CREBBP: variants seen among roughly 807,000 people sequenced by gnomAD.
CREBBP encodes CREB binding lysine acetyltransferase, also known as CREB-binding protein.
CREBBP carries 19 observed loss-of-function variants against 265.0 expected under a neutral mutation model. The observed-to-expected ratio is 0.07, with a 90% CI of 0.05 to 0.11. The LOEUF (loss-of-function observed/expected upper bound fraction) is 0.11, where lower values mean the gene tolerates loss of function less well. Ranked by LOEUF, CREBBP falls within the 10% of genes least tolerant of loss-of-function variation. The pLI, the probability that CREBBP is intolerant of heterozygous loss-of-function variation, is 1.00. For missense variants in CREBBP, 2,525 were observed against 3,219.0 expected, an observed-to-expected ratio of 0.78 and a Z score of 5.22; for synonymous variants, 1,457 against 1,223.7, an observed-to-expected ratio of 1.19 and a Z score of -3.98.
At chr16:3,778,282 A>G in intron 9 of CREBBP, 100 bp from the exon 10 acceptor site, 1 of 980,172 alleles carries the variant, frequency 1.0e-6, no homozygotes, top group Non-Finnish European at 1.6e-6. Context: ...CTCATTGAGT[A>G]CACTGGCAAA....
chr16:3,799,361 A>C (rs1048977143), intron 3 of CREBBP, among the ~76,000 whole-genome samples: 2 of 152,230 alleles, frequency 1.3e-5, no homozygotes, highest in Non-Finnish European at 2.9e-5. Context: ...CTAATCACTA[A>C]AGGAATAGAA....
At position 3,770,947 on chromosome 16, in the gene CREBBP, T is replaced by C. The variant is rs767051018; in HGVS notation, c.2503A>G (p.Met835Val). ...AGCTGGCTGGCCTGAGGCCCCAGCA[T>C]GTTGAGAGGGTTAGGAAGAGCAGCA... ...PGAALPNPLN[M>V]LGPQASQLPC... The change falls in exon 14 of 31, where the codon ATG (methionine) becomes GTG (valine). Residue 835 changes from methionine (M) to valine (V), a missense_variant. By Grantham distance (21) the Met-to-Val change is conservative. Transcript: ENST00000262367. 14 of 1,613,622 alleles carry C rather than the reference T, an allele frequency of 8.7e-6. No individual in the cohort carries two copies. Among genetic ancestry groups the C allele is most frequent in the African/African-American group, 1.3e-5 (1 of 74,986 alleles).
intron 23 of CREBBP, chr16:3,742,103 A>G (rs969117216): frequency 6.6e-6 from 1 of 152,156 alleles, no homozygotes; most frequent in Non-Finnish European, 1.5e-5. Flanking sequence ...AAAACAAAAA[A>G]AAAACAAAAA....
At position 3,852,715 on chromosome 16, in the gene CREBBP, G is replaced by C. The variant is rs571330973; in HGVS notation, c.86-1706C>G. On this transcript the variant is annotated intron_variant, in intron 1 of 30. Coordinates refer to ENST00000262367, the MANE Select transcript of CREBBP (RefSeq NM_004380.3). ...ATAAATGGACAAAAGACATAAGCAGGTCTTCACCCCAAAGGGAAATAAAAC... is the reference window on the plus strand; with the variant it reads ...ATAAATGGACAAAAGACATAAGCAGCTCTTCACCCCAAAGGGAAATAAAAC... Among the ~76,000 whole-genome samples the C allele has an allele frequency of 3.9e-5, 6 of 152,208 alleles. No individual in the cohort carries two copies. The South Asian group carries it at 1.2e-3, about 32-fold the overall frequency.
chr16:3,753,926 T>G (rs552839001), intron 19 of CREBBP, among the ~76,000 whole-genome samples: 54 of 152,288 alleles, frequency 3.5e-4, no homozygotes, highest in Non-Finnish European at 7.5e-4. Context: ...GGAGAAATCC[T>G]TTGCTTTTAT....
chr16:3,757,776 A>C, intron 18 of CREBBP, 33 bp downstream of exon 18: 1 of 1,612,548 alleles, frequency 6.2e-7, no homozygotes, highest in Non-Finnish European at 8.5e-7. Context: ...TTAACCAGGA[A>C]AATTCACTTT....
Position 3,728,101 on chromosome 16 carries a change from G to T in CREBBP, c.6946C>A (p.Pro2316Thr). Residue 2316 changes from proline (P) to threonine (T), a missense_variant, in exon 31 of 31, where the codon CCC becomes ACC. Coordinates refer to ENST00000262367, the MANE Select transcript of CREBBP (RefSeq NM_004380.3). This position sits in a 1 kb window ranked among gnomAD's most constrained non-coding sequence, Gnocchi z 8.7. Reference sequence around the variant, plus strand: ...TGTCCTGAGAGCATGTGTTGCTGGGGGCTCATGGGGTTCGGCTGGCCTGGG... The same window carrying T: ...TGTCCTGAGAGCATGTGTTGCTGGGTGCTCATGGGGTTCGGCTGGCCTGGG... ...GSPGQPNPMSPQQHMLSGQPQ... is the reference protein window; with the variant it reads ...GSPGQPNPMSTQQHMLSGQPQ... 6.2e-7 allele frequency: 1 copy of T among 1,614,174 alleles called. No homozygotes were observed. Among genetic ancestry groups the T allele is most frequent in the South Asian group, 1.1e-5 (1 of 91,082 alleles).
chr16:3,759,090 C>T (rs2052650714), intron 16 of CREBBP, 118 bp from the exon 17 acceptor site: 1 of 790,514 alleles, frequency 1.3e-6, no homozygotes, highest in Non-Finnish European at 2.2e-6. Context: ...TCCTAAGGCA[C>T]TCGAGGGGCT....
chr16:3,794,072 A>T (rs2053558040), intron 3 of CREBBP, among the ~76,000 whole-genome samples: 1 of 151,676 alleles, frequency 6.6e-6, no homozygotes, highest in Non-Finnish European at 1.5e-5. Context: ...TCACGCCTGT[A>T]ATCTCAGCAC....
chr16:3,870,998 T>A, intron 1 of CREBBP, among the ~76,000 whole-genome samples: 1 of 116,448 alleles, frequency 8.6e-6, no homozygotes. Flanking sequence ...AGAAGAAAAG[T>A]AATGTAAAGA....
chr16:3,805,400 T>C (rs2053808575), intron 3 of CREBBP, among the ~76,000 whole-genome samples: 1 of 152,244 alleles, frequency 6.6e-6, no homozygotes, highest in Non-Finnish European at 1.5e-5. Context: ...GTAAGGACTC[T>C]CTTTAGTCCT....
intron 16 of CREBBP, among the ~76,000 whole-genome samples, chr16:3,764,580 C>CTTAA: frequency 6.6e-6 from 1 of 152,064 alleles, no homozygotes; most frequent in East Asian, 1.9e-4. Flanking sequence ...CCACTCATTT[C>CTTAA]TTAATTAATT....
At chr16:3,836,076 T>C (rs2054442909) in intron 2 of CREBBP, among the ~76,000 whole-genome samples, 1 of 151,966 alleles carries the variant, frequency 6.6e-6, no homozygotes, top group Non-Finnish European at 1.5e-5. Context: ...AAGCACATAC[T>C]ATAAGTCATC....
chr16:3,851,058 C>T (rs1287231292), intron 1 of CREBBP, 49 bp from the exon 2 acceptor site: 1 of 1,498,880 alleles, frequency 6.7e-7, no homozygotes. Context: ...ACCTTTACAG[C>T]TCTCCAACTG....
At chr16:3,838,715 A>G (rs1225743394) in intron 2 of CREBBP, among the ~76,000 whole-genome samples, 1 of 152,220 alleles carries the variant, frequency 6.6e-6, no homozygotes, top group African/African-American at 2.4e-5. Flanking sequence ...TATAACAAAC[A>G]TCAACTTTTT....
intron 2 of CREBBP, among the ~76,000 whole-genome samples, chr16:3,818,798 AAAT>A (rs2054088530): frequency 6.6e-6 from 1 of 152,224 alleles, no homozygotes. Context: ...AAAGGAACCA[AAAT>A]ATGATGTTCA....
chr16:3,837,405 CAA>C (rs1223513670), intron 2 of CREBBP, among the ~76,000 whole-genome samples: 1 of 152,112 alleles, frequency 6.6e-6, no homozygotes, highest in Admixed American at 6.6e-5. Flanking sequence ...TGCCTGAGCT[CAA>C]GAGTTTACGA....
chr16:3,769,470 G>T, intron 14 of CREBBP, 117 bp from the exon 15 acceptor site: 1 of 1,304,556 alleles, frequency 7.7e-7, no homozygotes. Context: ...TGATCCAGCA[G>T]GTGCCCTTCT....
At chr16:3,808,122 G>C (rs1478572130) in intron 3 of CREBBP, among the ~76,000 whole-genome samples, 2 of 149,762 alleles carry the variant, frequency 1.3e-5, no homozygotes, top group Non-Finnish European at 3.0e-5. Context: ...AAGAGAGGGG[G>C]TGGGGAGAGA....
Sources: allele counts gnomAD v4.1 joint callset (sites outside exome capture counted in the v4.1 genomes callset), GRCh38; gene constraint gnomAD v4.1.1; non-coding constraint Gnocchi (gnomAD v3.1); transcripts MANE v1.5; gene names NCBI Gene and HGNC (gene_info 2026-07-23, HGNC 2026-07-21).